EPHA6: variants seen among roughly 807,000 people sequenced by gnomAD.
EPHA6 encodes the protein ephrin type-A receptor 6.
In EPHA6, 50 loss-of-function variants were observed where a neutral mutation model predicts 112.0. That is an observed-to-expected ratio of 0.45 (90% CI 0.36 to 0.56). EPHA6 has a LOEUF of 0.56. Ranked by LOEUF, EPHA6 falls within the 20% of genes least tolerant of loss-of-function variation. The pLI is 0.00. For missense variants in EPHA6, 1,280 were observed against 1,417.4 expected (o/e 0.90, Z 1.56); for synonymous variants, 529 against 490.7 (o/e 1.08, Z -1.03).
chr3:97,151,174 A>T (rs1576578516), intron 3 of EPHA6, among the ~76,000 whole-genome samples: 1 of 152,080 alleles, frequency 6.6e-6, no homozygotes, highest in Non-Finnish European at 1.5e-5. Context: ...TATTCCTAAA[A>T]TACTCTGCTT....
At chr3:97,361,280 C>T (rs1408185392) in intron 5 of EPHA6, among the ~76,000 whole-genome samples, 3 of 152,106 alleles carry the variant, frequency 2.0e-5, no homozygotes, top group Admixed American at 2.0e-4. Flanking sequence ...CTAATAGCAT[C>T]CCCAAAGTAA....
intron 3 of EPHA6, among the ~76,000 whole-genome samples, chr3:97,041,737 G>C (rs1276903630): frequency 2.0e-5 from 3 of 152,098 alleles, no homozygotes; most frequent in African/African-American, 7.2e-5. Context: ...CATGGCAGAA[G>C]GTGAAGGGGA....
intron 11 of EPHA6, among the ~76,000 whole-genome samples, chr3:97,561,644 T>A (rs980703607): frequency 1.3e-5 from 2 of 152,076 alleles, no homozygotes; most frequent in Non-Finnish European, 2.9e-5. Flanking sequence ...GATATAGAAC[T>A]GTTGCAAGTT....
At chr3:97,191,521 G>T (rs1369472507) in intron 3 of EPHA6, among the ~76,000 whole-genome samples, 1 of 151,802 alleles carries the variant, frequency 6.6e-6, no homozygotes, top group Non-Finnish European at 1.5e-5. Flanking sequence ...ATTTTTGTGA[G>T]TTCAATGGTC....
chr3:97,668,911 C>CAAAA (rs397990599), intron 14 of EPHA6, among the ~76,000 whole-genome samples: 6,866 of 31,956 alleles, frequency 0.21, 2,542 homozygotes, highest in Non-Finnish European at 0.27. Context: ...GACTCTGTCT[C>CAAAA]AAAAAAAAAA....
At chr3:96,911,791 G>A (rs772433258) in intron 2 of EPHA6, among the ~76,000 whole-genome samples, 4 of 151,880 alleles carry the variant, frequency 2.6e-5, no homozygotes, top group Non-Finnish European at 5.9e-5. Context: ...TAAGCTTTCC[G>A]TTAAAGATAG....
chr3:97,298,579 T>G (rs1044390407), intron 5 of EPHA6, among the ~76,000 whole-genome samples: 1 of 152,148 alleles, frequency 6.6e-6, no homozygotes, highest in African/African-American at 2.4e-5. Context: ...CCACCTAAAT[T>G]GTCTATAATG....
Position 97,736,050 on chromosome 3 carries a change from T to C in EPHA6, c.3060T>C (p.Ile1020=). 6.2e-7 allele frequency: 1 copy of C among 1,612,694 alleles called. No individual in the cohort carries two copies. Among genetic ancestry groups the C allele is most frequent in the Non-Finnish European group, 8.5e-7 (1 of 1,179,172 alleles). The change falls in exon 16 of 18, where the codon ATT becomes ATC. Residue 1020 remains isoleucine, a synonymous_variant. Coordinates refer to ENST00000389672, the MANE Select transcript of EPHA6 (RefSeq NM_001080448.3). ...ERNHRPKFTD[I]VSFLDKLIRN... ...ATCACAGACCAAAATTTACTGACAT[T>C]GTCAGCTTCCTTGACAAACTGATCC...
chr3:97,170,503 G>A (rs780348649), intron 3 of EPHA6, among the ~76,000 whole-genome samples: 3 of 152,090 alleles, frequency 2.0e-5, no homozygotes, highest in African/African-American at 4.8e-5. Context: ...TTGGGAGGCC[G>A]AGGTGGACAG....
intron 2 of EPHA6, among the ~76,000 whole-genome samples, chr3:96,953,436 A>G (rs1173003297): frequency 6.6e-6 from 1 of 152,232 alleles, no homozygotes; most frequent in African/African-American, 2.4e-5. Context: ...TTTTAAAATT[A>G]CACAAATAGT....
intron 5 of EPHA6, among the ~76,000 whole-genome samples, chr3:97,295,956 A>G (rs1451051946): frequency 6.6e-6 from 1 of 152,014 alleles, no homozygotes; most frequent in Non-Finnish European, 1.5e-5. Flanking sequence ...CTGGATGGTG[A>G]ATGTGGGCAC....
At chr3:97,678,758 T>G (rs575506345) in intron 14 of EPHA6, among the ~76,000 whole-genome samples, 4 of 152,328 alleles carry the variant, frequency 2.6e-5, no homozygotes, top group Non-Finnish European at 5.9e-5. Flanking sequence ...ACAAAAATTA[T>G]GATTATTACT....
chr3:97,071,458 TG>T (rs2046354247), intron 3 of EPHA6, among the ~76,000 whole-genome samples: 1 of 152,044 alleles, frequency 6.6e-6, no homozygotes, highest in East Asian at 1.9e-4. Context: ...TCCACATGAC[TG>T]GGGAGGCCTC....
intron 1 of EPHA6, among the ~76,000 whole-genome samples, chr3:96,821,734 A>G (rs944940786): frequency 4.0e-5 from 6 of 151,886 alleles, no homozygotes; most frequent in African/African-American, 1.2e-4. Flanking sequence ...TAACCCCAAT[A>G]AAGAAGATTT....
chr3:97,686,767 G>A (rs2032280189), intron 14 of EPHA6, among the ~76,000 whole-genome samples: 2 of 152,182 alleles, frequency 1.3e-5, no homozygotes, highest in African/African-American at 2.4e-5. Flanking sequence ...TGTTTTTGCT[G>A]AAATCGCTCA....
intron 11 of EPHA6, among the ~76,000 whole-genome samples, chr3:97,540,814 A>T (rs770951838): frequency 3.9e-5 from 6 of 152,216 alleles, no homozygotes; most frequent in Non-Finnish European, 8.8e-5. Flanking sequence ...CATCTAAAGG[A>T]TGAAATCTTA....
chr3:97,713,517 A>T (rs2034073538), intron 14 of EPHA6, among the ~76,000 whole-genome samples: 1 of 152,228 alleles, frequency 6.6e-6, no homozygotes, highest in Non-Finnish European at 1.5e-5. Flanking sequence ...ATTGGTTATT[A>T]AGAACCAATA....
chr3:97,606,904 C>G (rs1241617134), intron 12 of EPHA6, among the ~76,000 whole-genome samples: 1 of 151,002 alleles, frequency 6.6e-6, no homozygotes, highest in East Asian at 1.9e-4. Context: ...AATACAGGCA[C>G]TCTAACTGTA....
At chr3:97,273,588 C>T (rs556952472) in intron 5 of EPHA6, among the ~76,000 whole-genome samples, 2 of 152,248 alleles carry the variant, frequency 1.3e-5, no homozygotes, top group East Asian at 3.9e-4. Flanking sequence ...ATTGTCCATT[C>T]CTTTTTAAGT....
Sources: allele counts gnomAD v4.1 joint callset (sites outside exome capture counted in the v4.1 genomes callset), GRCh38; gene constraint gnomAD v4.1.1; transcripts MANE v1.5; gene names NCBI Gene and HGNC (gene_info 2026-07-23, HGNC 2026-07-21).